The following DCUN1D3 variants were observed in gnomAD, a reference collection of about 807,000 sequenced individuals.
DCUN1D3 encodes the protein defective in cullin neddylation 1 domain containing 3.
In DCUN1D3, 6 loss-of-function variants were observed where a neutral mutation model predicts 24.8. The ratio of observed to expected loss-of-function variants is 0.24; its 90% CI spans 0.13 to 0.48. The LOEUF is 0.48. Among genes scored for constraint, DCUN1D3 ranks in the 20% least tolerant of loss-of-function variants. The pLI is 0.99. For synonymous variants in DCUN1D3, 120 were observed against 144.9 expected (o/e 0.83, Z 1.24); for missense variants, 258 against 379.4 (o/e 0.68, Z 2.66).
At chr16:20,884,849 G>A (rs773818447) in intron 1 of DCUN1D3, among the ~76,000 whole-genome samples, 1 of 152,138 alleles carries the variant, frequency 6.6e-6, no homozygotes, top group Non-Finnish European at 1.5e-5. Context: ...AATGAAGTTC[G>A]AGGTTGCAGG....
chr16:20,890,580 G>C (rs1332766134), intron 1 of DCUN1D3, among the ~76,000 whole-genome samples: 1 of 152,120 alleles, frequency 6.6e-6, no homozygotes, highest in Admixed American at 6.6e-5. Flanking sequence ...AGTGAGCTAT[G>C]ATAGCACCAC....
chr16:20,880,604 C>CAAAAAAAAAAAAAAAA (rs34275241), intron 1 of DCUN1D3, among the ~76,000 whole-genome samples: 3 of 51,936 alleles, frequency 5.8e-5, no homozygotes, highest in Non-Finnish European at 6.2e-5. Flanking sequence ...GACCCTGTCT[C>CAAAAAAAAAAAAAAAA]AAAAAAAAAA....
chr16:20,877,622 T>C (rs1175481724), intron 1 of DCUN1D3, among the ~76,000 whole-genome samples: 1 of 152,256 alleles, frequency 6.6e-6, no homozygotes, highest in East Asian at 1.9e-4. Context: ...TAACTCGTGA[T>C]TGAATAAATG....
chr16:20,888,093 T>G (rs1368368158), intron 1 of DCUN1D3, among the ~76,000 whole-genome samples: 2 of 152,214 alleles, frequency 1.3e-5, no homozygotes, highest in African/African-American at 4.8e-5. Flanking sequence ...CCTAGCAATC[T>G]TTTTATACAC....
At chr16:20,869,362 G>A (rs948043002) in intron 1 of DCUN1D3, among the ~76,000 whole-genome samples, 3 of 152,236 alleles carry the variant, frequency 2.0e-5, no homozygotes, top group Non-Finnish European at 2.9e-5. Context: ...CGGAAAGAAA[G>A]GTAGGGAGGG....
Position 20,862,126 on chromosome 16 carries a change from G to C in DCUN1D3, c.413C>G (p.Thr138Ser), listed in dbSNP as rs771728742. Reference protein sequence around the residue: ...LLLAWKFQAATMCKFTRKEFF... With the variant: ...LLLAWKFQAASMCKFTRKEFF... Reference sequence around the variant, plus strand: ...GACTAACCTGGTGAATTTGCACATGGTTGCAGCCTGGAACTTCCAAGCCAA... The same window carrying C: ...GACTAACCTGGTGAATTTGCACATGCTTGCAGCCTGGAACTTCCAAGCCAA... The change falls in exon 2 of 3, where the codon ACC becomes AGC. Residue 138 changes from threonine to serine, a missense_variant. By Grantham distance (58) the Thr-to-Ser change is moderately conservative. Transcript: ENST00000324344. The C allele has an allele frequency of 1.2e-6, 2 of 1,614,146 alleles. No homozygotes were observed. The highest frequency in any genetic ancestry group is 1.7e-6 in the Non-Finnish European group (2 of 1,180,006).
chr16:20,874,424 A>G (rs1007582047), intron 1 of DCUN1D3, among the ~76,000 whole-genome samples: 14 of 152,258 alleles, frequency 9.2e-5, no homozygotes, highest in Non-Finnish European at 1.6e-4. Flanking sequence ...AGAATACTTC[A>G]GGAGCTTTAT....
intron 1 of DCUN1D3, chr16:20,896,218 C>G (rs937547207): frequency 6.6e-6 from 1 of 151,990 alleles, no homozygotes; most frequent in Non-Finnish European, 1.5e-5. Context: ...AAAAGGTAAC[C>G]CCACTGTAAA....
At chr16:20,879,505 A>G (rs1399041332) in intron 1 of DCUN1D3, among the ~76,000 whole-genome samples, 2 of 54,736 alleles carry the variant, frequency 3.7e-5, no homozygotes. Context: ...TAACAGGAGA[A>G]AAAAAAATCT....
At chr16:20,878,759 A>G (rs1288769056) in intron 1 of DCUN1D3, among the ~76,000 whole-genome samples, 4 of 152,234 alleles carry the variant, frequency 2.6e-5, no homozygotes, top group Non-Finnish European at 4.4e-5. Context: ...AGTGACTTTT[A>G]ACTTGGAGGG....
At chr16:20,888,890 CA>C (rs1205576257) in intron 1 of DCUN1D3, among the ~76,000 whole-genome samples, 3 of 152,138 alleles carry the variant, frequency 2.0e-5, no homozygotes, top group Admixed American at 6.5e-5. Context: ...AGTTCGAGAC[CA>C]GCCTGGCCAA....
chr16:20,881,577 C>T (rs961080011), intron 1 of DCUN1D3, among the ~76,000 whole-genome samples: 4 of 152,080 alleles, frequency 2.6e-5, no homozygotes, highest in African/African-American at 9.7e-5. Flanking sequence ...CCCTCCATCA[C>T]CTTTATTGTG....
chr16:20,885,537 T>C lies in DCUN1D3; in HGVS notation c.-106+14667A>G, dbSNP rs1439571685. ...ACAGAAAATGTTTAGGGACTACAGG[T>C]AATTAAGGCTTTAAAAAAAAAAAAA... On this transcript the variant is annotated intron_variant, in intron 1 of 2. Transcript: ENST00000324344. Among the ~76,000 whole-genome samples the C allele has an allele frequency of 2.6e-5, 4 of 151,228 alleles. No individual in the cohort carries two copies. In the East Asian group the frequency reaches 7.7e-4, roughly 29 times the overall value.
chr16:20,862,620 CA>C lies in DCUN1D3; in HGVS notation c.-83del. ...CGCTGGCCCATGTACCTCAACATGC[CA>C]TCAGCCAGAGGAGCCAGCCAACCTG... On this transcript the variant is annotated 5_prime_UTR_variant, in exon 2 of 3. It removes an upstream start codon present in the reference 5' UTR. Transcript: ENST00000324344. 1 of 1,523,424 alleles carries C rather than the reference CA, an allele frequency of 6.6e-7. No individual in the cohort carries two copies. Among genetic ancestry groups the C allele is most frequent in the Non-Finnish European group, 8.7e-7 (1 of 1,146,356 alleles). The allele number at this position is 1,523,424 out of a possible 1,614,324, so 94.4% of individuals were successfully genotyped here.
intron 1 of DCUN1D3, among the ~76,000 whole-genome samples, chr16:20,881,908 T>C (rs2081845703): frequency 6.6e-6 from 1 of 152,188 alleles, no homozygotes; most frequent in South Asian, 2.1e-4. Flanking sequence ...GTTCAAGCGA[T>C]TCTCCTACCT....
At chr16:20,895,888 T>C (rs2081913489) in intron 1 of DCUN1D3, among the ~76,000 whole-genome samples, 1 of 152,212 alleles carries the variant, frequency 6.6e-6, no homozygotes, top group Non-Finnish European at 1.5e-5. Context: ...TCAATCTAAG[T>C]TACCACTTCT....
rs997024306 is a variant in DCUN1D3, at chr16:20,859,052, G to A, written c.*834C>T. Reference sequence around the variant, plus strand: ...AAACTATCAAAGAAGTCTACTTCCAGCAAAACTGAGGTAGCACTGCTTTCT... The same window carrying A: ...AAACTATCAAAGAAGTCTACTTCCAACAAAACTGAGGTAGCACTGCTTTCT... On this transcript the variant is annotated 3_prime_UTR_variant, in exon 3 of 3. Transcript: ENST00000324344. 8.5e-5 allele frequency: 13 copies of A among 152,254 alleles called. No individual in the cohort carries two copies. Among genetic ancestry groups the A allele is most frequent in the Non-Finnish European group, 1.6e-4 (11 of 67,972 alleles). 9.4% of individuals were successfully genotyped at this position (152,254 alleles called of 1,614,324 possible).
intron 1 of DCUN1D3, among the ~76,000 whole-genome samples, chr16:20,887,543 C>G (rs1057250850): frequency 1.3e-5 from 2 of 152,144 alleles, no homozygotes; most frequent in African/African-American, 4.8e-5. Flanking sequence ...CAAGGAAAAG[C>G]AGCAATGGTG....
At chr16:20,880,936 C>G (rs2081840634) in intron 1 of DCUN1D3, among the ~76,000 whole-genome samples, 1 of 152,140 alleles carries the variant, frequency 6.6e-6, no homozygotes, top group African/African-American at 2.4e-5. Context: ...ATTAAGGATG[C>G]TTTTCAAAGC....
Sources: allele counts gnomAD v4.1 joint callset (sites outside exome capture counted in the v4.1 genomes callset), GRCh38; gene constraint gnomAD v4.1.1; transcripts MANE v1.5; gene names NCBI Gene and HGNC (gene_info 2026-07-23, HGNC 2026-07-21).